The following FAF1 variants were observed in gnomAD, a reference collection of about 807,000 sequenced individuals.
FAF1 encodes the protein Fas associated factor 1.
In FAF1, 25 loss-of-function variants were observed where a neutral mutation model predicts 92.5. That is an observed-to-expected ratio of 0.27 (90% CI 0.20 to 0.38). The LOEUF (loss-of-function observed/expected upper bound fraction) is 0.38. Among genes scored for constraint, FAF1 ranks in the 10% least tolerant of loss-of-function variants. The probability of loss-of-function intolerance (pLI) is 1.00; values close to 1 mark genes in which losing one functional copy is unlikely to be tolerated. For synonymous variants in FAF1, 234 were observed against 273.2 expected (o/e 0.86, Z 1.42); for missense variants, 636 against 793.3 (o/e 0.80, Z 2.38).
chr1:50,555,235 A>G (rs1356082809), intron 13 of FAF1, among the ~76,000 whole-genome samples: 6 of 150,996 alleles, frequency 4.0e-5, no homozygotes. Context: ...ATACACACAC[A>G]CCAGGACCCT....
intron 4 of FAF1, among the ~76,000 whole-genome samples, chr1:50,750,307 G>A (rs1294441352): frequency 6.6e-6 from 1 of 152,094 alleles, no homozygotes; most frequent in Non-Finnish European, 1.5e-5. Flanking sequence ...TGCTTGCTTT[G>A]GCAGCATATA....
At chr1:50,830,068 T>C (rs1644138284) in intron 2 of FAF1, among the ~76,000 whole-genome samples, 1 of 152,220 alleles carries the variant, frequency 6.6e-6, no homozygotes, top group African/African-American at 2.4e-5. Context: ...TAACTCTCTC[T>C]TCATGACCCC....
intron 18 of FAF1, among the ~76,000 whole-genome samples, chr1:50,472,364 A>AAC (rs1169240003): frequency 2.9e-4 from 26 of 90,160 alleles, no homozygotes; most frequent in East Asian, 6.5e-4. Context: ...AATTGGGGAA[A>AAC]ACATACACAC....
intron 1 of FAF1, among the ~76,000 whole-genome samples, chr1:50,928,902 G>A (rs1207533855): frequency 6.6e-6 from 1 of 150,862 alleles, no homozygotes; most frequent in Non-Finnish European, 1.5e-5. Context: ...TGGCCAACAC[G>A]GTGAAACCCC....
At chr1:50,666,049 T>C (rs1368857619) in intron 7 of FAF1, among the ~76,000 whole-genome samples, 2 of 151,120 alleles carry the variant, frequency 1.3e-5, no homozygotes, top group Admixed American at 1.3e-4. Context: ...TGGTGGTGCA[T>C]CCTGTAATCC....
chr1:50,728,076 CTAT>C (rs924275505), intron 6 of FAF1, among the ~76,000 whole-genome samples: 14 of 152,076 alleles, frequency 9.2e-5, no homozygotes, highest in Non-Finnish European at 1.8e-4. Flanking sequence ...TACATATATC[CTAT>C]TAGTTCTGTT....
chr1:50,707,431 G>T (rs1216538757), intron 6 of FAF1, among the ~76,000 whole-genome samples: 3 of 152,142 alleles, frequency 2.0e-5, no homozygotes, highest in Non-Finnish European at 4.4e-5. Flanking sequence ...GGGTGCACTG[G>T]TGCACACCTG....
chr1:50,686,754 A>G (rs956737382), intron 7 of FAF1, among the ~76,000 whole-genome samples: 1 of 152,138 alleles, frequency 6.6e-6, no homozygotes, highest in African/African-American at 2.4e-5. Flanking sequence ...AATAGAGAGG[A>G]AAAACACCTA....
At chr1:50,944,365 A>G (rs1645157869) in intron 1 of FAF1, among the ~76,000 whole-genome samples, 1 of 152,198 alleles carries the variant, frequency 6.6e-6, no homozygotes, top group Admixed American at 6.5e-5. Flanking sequence ...GGCGATTCTG[A>G]AAGAAAATGA....
At chr1:50,527,844 C>CT (rs1647905290) in intron 15 of FAF1, among the ~76,000 whole-genome samples, 8 of 38,212 alleles carry the variant, frequency 2.1e-4, no homozygotes, top group Non-Finnish European at 3.4e-4. Flanking sequence ...TCTCTCTCTC[C>CT]CTCTCTCCCT....
intron 13 of FAF1, among the ~76,000 whole-genome samples, chr1:50,562,705 C>T (rs1649981160): frequency 6.6e-6 from 1 of 152,172 alleles, no homozygotes; most frequent in Non-Finnish European, 1.5e-5. Context: ...GTTTTGCCTA[C>T]TAGACTATAT....
intron 8 of FAF1, among the ~76,000 whole-genome samples, chr1:50,622,887 G>C (rs573977740): frequency 6.6e-6 from 1 of 152,300 alleles, no homozygotes; most frequent in East Asian, 1.9e-4. Flanking sequence ...GGTCATAAAT[G>C]AGAGGTAGCT....
chr1:50,503,979 G>A (rs1647023895), intron 15 of FAF1, among the ~76,000 whole-genome samples: 1 of 152,172 alleles, frequency 6.6e-6, no homozygotes, highest in South Asian at 2.1e-4. Context: ...TTTCATGGGT[G>A]TATACATATG....
chr1:50,519,917 C>T lies in FAF1; in HGVS notation c.1494+15452G>A, dbSNP rs561401881. On this transcript the variant is annotated intron_variant, in intron 15 of 18. Coordinates refer to ENST00000396153, the MANE Select transcript of FAF1 (RefSeq NM_007051.3). ...TAACACCCTACATGTATCTCCATCA[C>T]GGAATTTATGTCATAATACATGCAA... is the stretch of plus-strand genomic sequence containing the variant. Among the ~76,000 whole-genome samples the T allele has an allele frequency of 5.4e-4, 83 of 152,308 alleles. 2 individuals carry two copies. Among genetic ancestry groups the T allele is most frequent in the African/African-American group, 1.6e-3 (66 of 41,570 alleles).
At chr1:50,502,282 C>T (rs1647000924) in intron 15 of FAF1, among the ~76,000 whole-genome samples, 1 of 152,046 alleles carries the variant, frequency 6.6e-6, no homozygotes, top group African/African-American at 2.4e-5. Flanking sequence ...CTCTTAAAAC[C>T]CAAGAAGACA....
rs111345085 is a variant in FAF1 at position 50,671,125 on chromosome 1, C to G, written c.658-15597G>C. Among the ~76,000 whole-genome samples, 293 of 152,188 alleles carry G rather than the reference C, an allele frequency of 1.9e-3. 2 individuals are homozygous for G. Among genetic ancestry groups the G allele is most frequent in the African/African-American group, 6.7e-3 (278 of 41,532 alleles). The stretch of plus-strand genomic sequence containing the variant: ...TTAGTTAAAAATGTAAGTTTGAAGG[C>G]CGGGCACAGTGGCTCATGCCTGTAA... On this transcript the variant is annotated intron_variant, in intron 7 of 18. Transcript: ENST00000396153.
At chr1:50,837,115 G>A (rs1215800059) in intron 2 of FAF1, among the ~76,000 whole-genome samples, 1 of 151,768 alleles carries the variant, frequency 6.6e-6, no homozygotes, top group Non-Finnish European at 1.5e-5. Flanking sequence ...CCGCCACCAT[G>A]CCCAGCTAAT....
chr1:50,462,203 C>T (rs1646441646), intron 18 of FAF1: 3 of 151,756 alleles, frequency 2.0e-5, no homozygotes, highest in Admixed American at 6.6e-5. Flanking sequence ...AACTCATAGC[C>T]CTGAGCATAA....
At chr1:50,454,165 G>C (rs1262003561) in intron 18 of FAF1, among the ~76,000 whole-genome samples, 1 of 152,224 alleles carries the variant, frequency 6.6e-6, no homozygotes, top group African/African-American at 2.4e-5. Flanking sequence ...CGAACAGGGG[G>C]TAGGGGCTTG....
Sources: gnomAD v4.1 joint callset for allele counts (sites outside exome capture counted in the v4.1 genomes callset) on GRCh38, gnomAD v4.1.1 for gene constraint, MANE v1.5 for transcripts, NCBI Gene and HGNC (gene_info 2026-07-23, HGNC 2026-07-21) for gene names.